Variants in CMKLR1 observed in about 807,000 individuals in gnomAD.
The protein encoded by CMKLR1 is chemerin chemokine-like receptor 1.
In CMKLR1, 6 loss-of-function variants were observed where a neutral mutation model predicts 8.2. The observed-to-expected ratio is 0.73, with a 90% CI of 0.40 to 1.44. The LOEUF (loss-of-function observed/expected upper bound fraction) is 1.44. Among genes scored for constraint, CMKLR1 ranks in the 40% most tolerant of loss-of-function variants. The probability of loss-of-function intolerance (pLI) is 0.02; values close to 1 mark genes in which losing one functional copy is unlikely to be tolerated. For missense variants in CMKLR1, 429 were observed against 478.0 expected (o/e 0.90, Z 0.96); for synonymous variants, 178 against 181.2 (o/e 0.98, Z 0.14).
chr12:108,327,471 C>A (rs1398872204), intron 2 of CMKLR1, among the ~76,000 whole-genome samples: 1 of 152,198 alleles, frequency 6.6e-6, no homozygotes, highest in Admixed American at 6.5e-5. Context: ...CAGAGTGAGA[C>A]CCTGTCTCTT....
At position 108,305,990 on chromosome 12, in the gene CMKLR1, G is replaced by C. The variant is rs1032933637; in HGVS notation, c.-73-12326C>G. 6.8e-4 allele frequency among the ~76,000 whole-genome samples: 104 copies of C among 152,238 alleles called. 1 individual carries two copies. The highest frequency in any genetic ancestry group is 2.2e-3 in the African/African-American group (93 of 41,548). ...AGACCCCCCCACCCAAAATATTCAC[G>C]CCACTGCCTGGCATCCTCCCATTAG... On this transcript the variant is annotated intron_variant, in intron 2 of 3. Transcript: ENST00000550402.
At chr12:108,303,013 G>A (rs985805784) in intron 2 of CMKLR1, among the ~76,000 whole-genome samples, 3 of 152,086 alleles carry the variant, frequency 2.0e-5, no homozygotes, top group Non-Finnish European at 4.4e-5. Context: ...CAAACACTCC[G>A]ATCCCTGCCT....
chr12:108,302,256 G>T (rs1410444826), intron 2 of CMKLR1, among the ~76,000 whole-genome samples: 1 of 152,212 alleles, frequency 6.6e-6, no homozygotes, highest in Admixed American at 6.5e-5. Context: ...AGGTTGGCCG[G>T]GTGGGAGCAC....
chr12:108,289,860 A>G lies in CMKLR1; in HGVS notation c.*1981T>C, dbSNP rs1890912329. On this transcript the variant is annotated 3_prime_UTR_variant, in exon 4 of 4. Coordinates refer to ENST00000550402, the MANE Select transcript of CMKLR1 (RefSeq NM_001142343.2). ...AATGAAGTGTGATTCCAAACAGCCC[A>G]TGGCCTCGGGAACTCGCCCAGCGCG... 2 of 152,272 alleles carry G rather than the reference A, an allele frequency of 1.3e-5. No individual in the cohort carries two copies. Among genetic ancestry groups the G allele is most frequent in the South Asian group, 2.1e-4 (1 of 4,836 alleles). The allele number at this position is 152,272 out of a possible 1,614,324, so 9.4% of individuals were successfully genotyped here. A position where few individuals can be genotyped will look rare whatever the true frequency, so the allele number is the denominator to read the frequency against.
intron 2 of CMKLR1, among the ~76,000 whole-genome samples, chr12:108,323,498 T>C (rs1891909076): frequency 6.6e-6 from 1 of 152,162 alleles, no homozygotes; most frequent in Non-Finnish European, 1.5e-5. Flanking sequence ...ATTCAAACCC[T>C]AGCCCTCAAA....
chr12:108,289,538 C>A lies in CMKLR1; in HGVS notation c.*2303G>T, dbSNP rs769074173. The A allele has an allele frequency of 6.6e-6, 1 of 152,246 alleles. No individual in the cohort carries two copies. The highest frequency in any genetic ancestry group is 1.5e-5 in the Non-Finnish European group (1 of 68,064). 9.4% of individuals were successfully genotyped at this position (152,246 alleles called of 1,614,324 possible). ...TGACAACATGAATTCCTGGCTCCCC[C>A]ATCCTGGCCTGGACTGCCAGAAGCC... On this transcript the variant is annotated 3_prime_UTR_variant, in exon 4 of 4. Coordinates refer to ENST00000550402, the MANE Select transcript of CMKLR1 (RefSeq NM_001142343.2).
chr12:108,292,534 G>A lies in CMKLR1; in HGVS notation c.429C>T (p.Leu143=), dbSNP rs755496362. Residue 143 remains leucine (L), a synonymous_variant, in exon 4 of 4, where the codon CTC becomes CTT. Transcript: ENST00000550402. ...ISSDRCISVL[L]PVWSQNHRSV... is the part of the protein sequence containing the mutation. The stretch of plus-strand genomic sequence containing the variant: ...TGCGGTGGTTCTGGGACCAGACAGG[G>A]AGGAGCACAGAGATGCAGCGGTCAG... 7.4e-6 allele frequency: 12 copies of A among 1,614,068 alleles called. No individual in the cohort carries two copies. The highest frequency in any genetic ancestry group is 5.5e-5 in the South Asian group (5 of 91,078).
chr12:108,300,778 G>T (rs1373305269), intron 2 of CMKLR1, among the ~76,000 whole-genome samples: 1 of 152,174 alleles, frequency 6.6e-6, no homozygotes, highest in Non-Finnish European at 1.5e-5. Flanking sequence ...AGTGGCATTG[G>T]TGAAGCATTT....
chr12:108,303,166 G>A (rs1009419194), intron 2 of CMKLR1, among the ~76,000 whole-genome samples: 5 of 152,312 alleles, frequency 3.3e-5, no homozygotes, highest in East Asian at 1.9e-4. Context: ...AACTTGGACC[G>A]GCCAAAGGAA....
At chr12:108,319,302 G>T (rs576897128) in intron 2 of CMKLR1, among the ~76,000 whole-genome samples, 10 of 152,260 alleles carry the variant, frequency 6.6e-5, no homozygotes, top group African/African-American at 2.4e-4. Context: ...ACAACATTGA[G>T]GACCACCCCT....
At chr12:108,326,723 G>A (rs1270841825) in intron 2 of CMKLR1, among the ~76,000 whole-genome samples, 1 of 152,168 alleles carries the variant, frequency 6.6e-6, no homozygotes, top group Non-Finnish European at 1.5e-5. Context: ...ATCACACACA[G>A]GGGAAAGCTG....
chr12:108,331,230 C>T (rs1369834592), intron 1 of CMKLR1, among the ~76,000 whole-genome samples: 1 of 152,204 alleles, frequency 6.6e-6, no homozygotes. Flanking sequence ...CTAACTACTA[C>T]CCTATGTACA....
intron 2 of CMKLR1, among the ~76,000 whole-genome samples, chr12:108,312,346 A>G (rs1260322243): frequency 6.6e-6 from 1 of 152,214 alleles, no homozygotes; most frequent in East Asian, 1.9e-4. Flanking sequence ...AGACTGTGAA[A>G]CGTGTCCAGG....
intron 3 of CMKLR1, 52 bp downstream of exon 3, chr12:108,293,537 C>T: frequency 6.5e-6 from 10 of 1,549,400 alleles, no homozygotes; most frequent in Non-Finnish European, 8.7e-6. Flanking sequence ...TGCACCCAAT[C>T]TGTCAGTGGT....
chr12:108,308,986 A>T (rs1333616677), intron 2 of CMKLR1, among the ~76,000 whole-genome samples: 1 of 152,196 alleles, frequency 6.6e-6, no homozygotes, highest in Non-Finnish European at 1.5e-5. Context: ...GAAGACAAAC[A>T]CATCTGGAGC....
chr12:108,309,651 C>T (rs1442305231), intron 2 of CMKLR1, among the ~76,000 whole-genome samples: 1 of 152,192 alleles, frequency 6.6e-6, no homozygotes, highest in Non-Finnish European at 1.5e-5. Context: ...GTTGCAGGAA[C>T]AGATCGTGGC....
chr12:108,326,653 C>T lies in CMKLR1; in HGVS notation c.-74+3342G>A, dbSNP rs1013663232. Reference sequence around the variant, plus strand: ...AAGGGGACTGGGAGAACAGGGTCAGCCTGGGCGATGTGGCCTTGGGCACTC... The same window carrying T: ...AAGGGGACTGGGAGAACAGGGTCAGTCTGGGCGATGTGGCCTTGGGCACTC... On this transcript the variant is annotated intron_variant, in intron 2 of 3. Transcript: ENST00000550402. 2.0e-5 allele frequency among the ~76,000 whole-genome samples: 3 copies of T among 152,192 alleles called. No individual in the cohort carries two copies. The South Asian group carries it at 6.2e-4, about 32-fold the overall frequency.
intron 2 of CMKLR1, 122 bp from the exon 3 acceptor site, chr12:108,293,786 G>C: frequency 3.2e-6 from 2 of 627,672 alleles, no homozygotes; most frequent in East Asian, 2.8e-5. Flanking sequence ...AGAGAAGGAA[G>C]CAGAAGTTCA....
rs1389849019 is a variant in CMKLR1, at chr12:108,289,121, A to C, written c.*2720T>G. 2 of 151,926 alleles carry C rather than the reference A, an allele frequency of 1.3e-5. No individual in the cohort carries two copies. Among genetic ancestry groups the C allele is most frequent in the African/African-American group, 4.8e-5 (2 of 41,258 alleles). The allele number at this position is 151,926 out of a possible 1,614,324, so 9.4% of individuals were successfully genotyped here. A position where few individuals can be genotyped will look rare whatever the true frequency, so the allele number is the denominator to read the frequency against. Reference sequence around the variant, plus strand: ...CTCTCCTGTCCCTCCCCTATCCTCAAACACCATCTTCTTTTCTTTTCCCTC... The same window carrying C: ...CTCTCCTGTCCCTCCCCTATCCTCACACACCATCTTCTTTTCTTTTCCCTC... On this transcript the variant is annotated 3_prime_UTR_variant, in exon 4 of 4. Transcript: ENST00000550402.
Sources: allele counts gnomAD v4.1 joint callset (sites outside exome capture counted in the v4.1 genomes callset), GRCh38; gene constraint gnomAD v4.1.1; transcripts MANE v1.5; gene names NCBI Gene and HGNC (gene_info 2026-07-23, HGNC 2026-07-21).